ITPR1: variants seen among roughly 807,000 people sequenced by gnomAD.
ITPR1 encodes inositol 1,4,5-trisphosphate receptor type 1, also known as inositol 1,4,5-trisphosphate-gated calcium channel ITPR1.
ITPR1 carries 96 observed loss-of-function variants against 318.4 expected under a neutral mutation model. That is an observed-to-expected ratio of 0.30 (90% CI 0.26 to 0.36). ITPR1 has a LOEUF of 0.36. Ranked by LOEUF, ITPR1 falls within the 10% of genes least tolerant of loss-of-function variation. The probability of loss-of-function intolerance (pLI) is 1.00; values close to 1 mark genes in which losing one functional copy is unlikely to be tolerated. For missense variants in ITPR1, 2,440 were observed against 3,460.2 expected, an observed-to-expected ratio of 0.71 and a Z score of 7.40; for synonymous variants, 1,312 against 1,289.9, an observed-to-expected ratio of 1.02 and a Z score of -0.37.
chr3:4,718,424 C>G (rs1437799780), intron 40 of ITPR1, among the ~76,000 whole-genome samples: 1 of 152,200 alleles, frequency 6.6e-6, no homozygotes, highest in African/African-American at 2.4e-5. Flanking sequence ...AATTAATACA[C>G]CGTAATTTCA....
intron 60 of ITPR1, 113 bp from the exon 61 acceptor site, chr3:4,836,661 T>G: frequency 9.5e-7 from 1 of 1,057,552 alleles, no homozygotes. Context: ...TAGAAGGAGA[T>G]AACCTAATGA....
At chr3:4,581,444 G>A (rs999480915) in intron 4 of ITPR1, among the ~76,000 whole-genome samples, 1 of 152,156 alleles carries the variant, frequency 6.6e-6, no homozygotes, top group Non-Finnish European at 1.5e-5. Context: ...TTTTACATCA[G>A]TTTTAGGTGG....
In ITPR1 at chr3:4,667,412, G is replaced by A; in HGVS notation, c.1749G>A (p.Lys583=). The A allele has an allele frequency of 6.2e-7, 1 of 1,612,522 alleles. No homozygotes were observed. The highest frequency in any genetic ancestry group is 2.2e-5 in the East Asian group (1 of 44,830). Residue 583 remains lysine (K), a synonymous_variant, in exon 18 of 62, where the codon AAG becomes AAA. Coordinates refer to ENST00000649015, the MANE Select transcript of ITPR1 (RefSeq NM_001378452.1). ...YIAKQFGFMQ[K]QIGYDVLAED... ...CCAAGCAGTTTGGCTTCATGCAGAA[G>A]CAGATTGGCTATGATGTGTTGGCTG...
At chr3:4,709,632 G>A (rs909194604) in intron 37 of ITPR1, among the ~76,000 whole-genome samples, 3 of 152,206 alleles carry the variant, frequency 2.0e-5, no homozygotes, top group Non-Finnish European at 4.4e-5. Flanking sequence ...GCCTTCAAAT[G>A]GTGTTTGTTG....
intron 18 of ITPR1, among the ~76,000 whole-genome samples, chr3:4,668,214 A>ATT (rs60932812): frequency 0.04 from 4,737 of 117,590 alleles, 377 homozygotes; most frequent in African/African-American, 0.14. Context: ...CGTTCTTTCT[A>ATT]TTTTTTTTTT....
chr3:4,538,521 T>C (rs1413287037), intron 4 of ITPR1, among the ~76,000 whole-genome samples: 1 of 152,168 alleles, frequency 6.6e-6, no homozygotes, highest in Non-Finnish European at 1.5e-5. Flanking sequence ...AGAAATACCA[T>C]TCGACCCAGC....
intron 55 of ITPR1, 109 bp downstream of exon 55, chr3:4,806,376 T>C: frequency 3.7e-6 from 4 of 1,078,758 alleles, no homozygotes; most frequent in Non-Finnish European, 5.5e-6. Flanking sequence ...GTGTGCCTGG[T>C]CCACCAAGAT....
chr3:4,805,350 G>A (rs989422770), intron 54 of ITPR1, among the ~76,000 whole-genome samples: 2 of 152,114 alleles, frequency 1.3e-5, no homozygotes, highest in Non-Finnish European at 2.9e-5. Context: ...AATTATCTTT[G>A]GCTGCAATCC....
Position 4,700,331 on chromosome 3 carries a change from A to G in ITPR1, c.4536+390A>G, listed in dbSNP as rs545306295. ...GTCAGACTATAAGCTACATGAAGAC[A>G]AAGTTATGCCTTACATGCATGGTCA... On this transcript the variant is annotated intron_variant, in intron 35 of 61. Coordinates refer to ENST00000649015, the MANE Select transcript of ITPR1 (RefSeq NM_001378452.1). Among the ~76,000 whole-genome samples the G allele has an allele frequency of 1.4e-4, 22 of 152,338 alleles. No individual in the cohort carries two copies. The East Asian group carries it at 3.7e-3, about 25-fold the overall frequency.
At chr3:4,588,045 T>C (rs1288825610) in intron 4 of ITPR1, among the ~76,000 whole-genome samples, 1 of 152,202 alleles carries the variant, frequency 6.6e-6, no homozygotes, top group Non-Finnish European at 1.5e-5. Context: ...ATTAGTCATA[T>C]AAAATCACAA....
At chr3:4,614,530 C>G (rs1035053907) in intron 4 of ITPR1, among the ~76,000 whole-genome samples, 9 of 152,208 alleles carry the variant, frequency 5.9e-5, no homozygotes, top group African/African-American at 2.2e-4. Context: ...AGTCAGGAAA[C>G]TAAAACTTAT....
At position 4,658,272 on chromosome 3, in the gene ITPR1, T is replaced by C; in HGVS notation, c.1145T>C (p.Val382Ala). 6.2e-7 allele frequency: 1 copy of C among 1,607,184 alleles called. No homozygotes were observed. Among genetic ancestry groups the C allele is most frequent in the Non-Finnish European group, 8.5e-7 (1 of 1,175,116 alleles). Residue 382 changes from valine to alanine, a missense_variant, in exon 13 of 62, where the codon GTC becomes GCC. Val to Ala is a moderately conservative substitution (Grantham distance 64, BLOSUM62 0). Coordinates refer to ENST00000649015, the MANE Select transcript of ITPR1 (RefSeq NM_001378452.1). Reference protein sequence around the residue: ...PTTLRGGDSLVPRNSYVRLRH... With the variant: ...PTTLRGGDSLAPRNSYVRLRH... ...ACTCTGCGTGGAGGTGACAGCCTTG[T>C]CCCAAGGTATCATTTTAAAATTGCT...
intron 4 of ITPR1, among the ~76,000 whole-genome samples, chr3:4,552,184 C>G (rs1215466855): frequency 6.6e-6 from 1 of 152,214 alleles, no homozygotes; most frequent in Non-Finnish European, 1.5e-5. Context: ...GGGGGAAATT[C>G]TCCCCATCAC....
intron 45 of ITPR1, 98 bp downstream of exon 45, chr3:4,766,808 T>C: frequency 1.0e-6 from 1 of 971,386 alleles, no homozygotes; most frequent in African/African-American, 1.6e-5. Context: ...CTAAAATGCA[T>C]TATGATGGGA....
intron 6 of ITPR1, 23 bp downstream of exon 6, chr3:4,639,493 T>G: frequency 6.6e-7 from 1 of 1,507,736 alleles, no homozygotes; most frequent in Non-Finnish European, 9.1e-7. Context: ...AGCTCTTCCC[T>G]TCTGAAGCTG....
At chr3:4,493,831 C>G (rs907064085) in intron 1 of ITPR1, among the ~76,000 whole-genome samples, 1 of 150,928 alleles carries the variant, frequency 6.6e-6, no homozygotes, top group African/African-American at 2.4e-5. Context: ...CCATTCTGGT[C>G]TGATGTGGCA....
intron 40 of ITPR1, among the ~76,000 whole-genome samples, chr3:4,725,200 G>A (rs983344534): frequency 1.3e-5 from 2 of 151,992 alleles, no homozygotes; most frequent in African/African-American, 4.8e-5. Context: ...TCCTTGTCTC[G>A]GTGGACTGAG....
intron 45 of ITPR1, among the ~76,000 whole-genome samples, chr3:4,767,804 C>T (rs112135776): frequency 0.023 from 3,520 of 152,308 alleles, 125 homozygotes; most frequent in Admixed American, 0.094. Context: ...CCAGCCACTG[C>T]GCTGGACTGT....
At position 4,521,006 on chromosome 3, in the gene ITPR1, T is replaced by C. The variant is rs377158345; in HGVS notation, c.93-18T>C. 3.1e-5 allele frequency: 50 copies of C among 1,592,896 alleles called. No homozygotes were observed. The highest frequency in any genetic ancestry group is 4.2e-5 in the Non-Finnish European group (49 of 1,160,906). ...ATTTTCATACACTTGACAGAGCATT[T>C]ATCTGTCTTCTTTACAGCCTGGTTG... On this transcript the variant is annotated intron_variant, in intron 3 of 61. Coordinates refer to ENST00000649015, the MANE Select transcript of ITPR1 (RefSeq NM_001378452.1).
Sources: gnomAD v4.1 joint callset for allele counts (sites outside exome capture counted in the v4.1 genomes callset) on GRCh38, gnomAD v4.1.1 for gene constraint, MANE v1.5 for transcripts, NCBI Gene and HGNC (gene_info 2026-07-23, HGNC 2026-07-21) for gene names.